Variants in ATP7A observed in about 807,000 individuals in gnomAD.
ATP7A encodes the protein copper-transporting ATPase 1.
In ATP7A, 7 loss-of-function variants were observed where a neutral mutation model predicts 83.5. The ratio of observed to expected loss-of-function variants is 0.08; its 90% CI spans 0.05 to 0.16. The LOEUF is 0.16. ATP7A is among the 10% of genes least tolerant of loss of function. The pLI, the probability that ATP7A is intolerant of heterozygous loss-of-function variation, is 1.00. For synonymous variants in ATP7A, 354 were observed against 395.2 expected (o/e 0.90, Z 1.24); for missense variants, 940 against 1,120.8 (o/e 0.84, Z 2.30).
intron 4 of ATP7A, among the ~76,000 whole-genome samples, chrX:77,998,201 GTC>G (rs1417372081): frequency 8.9e-6 from 1 of 111,890 alleles, no homozygotes; most frequent in Non-Finnish European, 1.9e-5. Context: ...AAACTACTCT[GTC>G]TCTCAGATTG....
chrX:77,940,127 T>C, intron 1 of ATP7A, among the ~76,000 whole-genome samples: 1 of 110,768 alleles, frequency 9.0e-6, no homozygotes, highest in Non-Finnish European at 1.9e-5. Flanking sequence ...GACAAAAAAA[T>C]GCATTAAAAT....
intron 14 of ATP7A, among the ~76,000 whole-genome samples, chrX:78,022,532 T>C (rs1384982829): frequency 1.8e-5 from 2 of 110,372 alleles, no homozygotes; most frequent in African/African-American, 6.6e-5. Flanking sequence ...TTTATTTATT[T>C]ATTGCGACAG....
Position 78,013,034 on chromosome X carries a change from C to A in ATP7A, c.2328C>A (p.Asn776Lys), listed in dbSNP as rs782733187. 8.3e-7 allele frequency: 1 copy of A among 1,210,909 alleles called. No homozygotes were observed. The highest frequency in any genetic ancestry group is 1.8e-5 in the South Asian group (1 of 56,970). ...CAATGTATGAGAGAGCCAAAGTGAA[C>A]CCTATTACTTTCTTTGACACACCCC... ...LVAMYERAKV[N>K]PITFFDTPPM... is the part of the protein sequence containing the mutation. Residue 776 changes from asparagine (N) to lysine (K), a missense_variant, in exon 10 of 23, where the codon AAC becomes AAA. Asn to Lys is a moderately conservative substitution (Grantham distance 94). Around this residue, in one of 3 missense-constraint regions of ATP7A, gnomAD observed 204 missense variants for 185.8 expected, o/e 1.10. Transcript: ENST00000341514.
intron 4 of ATP7A, among the ~76,000 whole-genome samples, chrX:77,998,273 C>T (rs1485145609): frequency 9.0e-6 from 1 of 111,306 alleles, no homozygotes; most frequent in African/African-American, 3.3e-5. Context: ...CTCAGATTTT[C>T]CTGGGAATTG....
rs1557231567 is a variant in ATP7A, at chrX:77,988,291, A to G, written c.170A>G (p.Gln57Arg). ...ACTATTATTTATGACCCTAAACTAC[A>G]GACTCCAAAGACCCTACAGGAAGCT... ...NATIIYDPKL[Q>R]TPKTLQEAID... The change falls in exon 3 of 23, where the codon CAG becomes CGG. Residue 57 changes from glutamine (Q) to arginine (R), a missense_variant. Gln to Arg is a conservative substitution (Grantham distance 43, BLOSUM62 1). Transcript: ENST00000341514. 1 of 1,196,789 alleles carries G rather than the reference A, an allele frequency of 8.4e-7. No individual in the cohort carries two copies. Among genetic ancestry groups the G allele is most frequent in the Non-Finnish European group, 1.1e-6 (1 of 888,804 alleles).
At chrX:77,980,731 C>T (rs1336177997) in intron 2 of ATP7A, among the ~76,000 whole-genome samples, 6 of 110,540 alleles carry the variant, frequency 5.4e-5, no homozygotes, top group African/African-American at 1.3e-4. Context: ...TGCAGTGGTG[C>T]GATCTCGGCT....
Position 78,042,662 on chromosome X carries a change from G to A in ATP7A, c.3879G>A (p.Gly1293=). 2 of 1,211,858 alleles carry A rather than the reference G, an allele frequency of 1.7e-6. No homozygotes were observed. Among genetic ancestry groups the A allele is most frequent in the Non-Finnish European group, 2.2e-6 (2 of 895,579 alleles). The part of the protein sequence containing the change: ...VAKVKQLQEE[G]KRVAMVGDGI... The stretch of plus-strand genomic sequence containing the variant: ...AAGTGAAGCAACTTCAAGAGGAGGG[G>A]AAACGGGTAGCAATGGTGGGAGATG... Residue 1293 remains glycine, a synonymous_variant, in exon 20 of 23, where the codon GGG becomes GGA. Coordinates refer to ENST00000341514, the MANE Select transcript of ATP7A (RefSeq NM_000052.7).
At chrX:77,993,932 A>G (rs992048404) in intron 4 of ATP7A, among the ~76,000 whole-genome samples, 1 of 111,395 alleles carries the variant, frequency 9.0e-6, no homozygotes, top group African/African-American at 3.3e-5. Context: ...GAGAAAAGCC[A>G]TATAAATTTA....
chrX:78,033,181 T>C (rs782223326), intron 16 of ATP7A, among the ~76,000 whole-genome samples: 6 of 112,216 alleles, frequency 5.3e-5, no homozygotes, highest in Non-Finnish European at 1.1e-4. Flanking sequence ...CTCAACTCAC[T>C]GCAACTTCCG....
At chrX:78,026,844 A>C (rs1169407200) in intron 14 of ATP7A, among the ~76,000 whole-genome samples, 2 of 111,833 alleles carry the variant, frequency 1.8e-5, no homozygotes, top group Non-Finnish European at 3.8e-5. Context: ...ACTTTTGGGT[A>C]AACAATGAAG....
intron 19 of ATP7A, among the ~76,000 whole-genome samples, chrX:78,042,103 C>A (rs1354522817): frequency 2.0e-3 from 155 of 75,754 alleles, no homozygotes; most frequent in African/African-American, 8.2e-3. Context: ...GGTGACAGAG[C>A]AAGACTCTGT....
chrX:78,029,701 C>T (rs1261334027), intron 15 of ATP7A, among the ~76,000 whole-genome samples: 2 of 111,765 alleles, frequency 1.8e-5, no homozygotes, highest in Non-Finnish European at 3.8e-5. Context: ...GGACTCCTAT[C>T]CTAGCTCAGA....
intron 1 of ATP7A, among the ~76,000 whole-genome samples, chrX:77,948,952 T>C (rs5959961): frequency 0.48 from 52,145 of 109,650 alleles, 11,407 homozygotes; most frequent in African/African-American, 0.86. Flanking sequence ...AGTACAGTGG[T>C]GTGATCTTGG....
At chrX:78,038,795 T>G (rs1431864756) in intron 17 of ATP7A, 41 bp from the exon 18 acceptor site, 1 of 1,195,437 alleles carries the variant, frequency 8.4e-7, no homozygotes, top group African/African-American at 1.8e-5. Flanking sequence ...TTATAAAGAT[T>G]AATTGAACTT....
intron 5 of ATP7A, among the ~76,000 whole-genome samples, chrX:77,998,913 G>A (rs1349948727): frequency 9.3e-6 from 1 of 107,498 alleles, no homozygotes; most frequent in Non-Finnish European, 1.9e-5. Context: ...TATGAAATTC[G>A]TTAAAAAAAA....
intron 7 of ATP7A, among the ~76,000 whole-genome samples, chrX:78,010,047 T>C (rs1557234235): frequency 8.9e-6 from 1 of 112,700 alleles, no homozygotes; most frequent in Admixed American, 9.4e-5. Flanking sequence ...ATAGAATTGG[T>C]GTTCAAGTGA....
At chrX:77,938,017 C>T (rs1307904499) in intron 1 of ATP7A, among the ~76,000 whole-genome samples, 1 of 110,708 alleles carries the variant, frequency 9.0e-6, no homozygotes, top group African/African-American at 3.3e-5. Context: ...CTAATTACCA[C>T]CCCTCCCAAA....
At chrX:78,011,781 T>C (rs2077828209) in intron 9 of ATP7A, 107 bp downstream of exon 9, 1 of 749,993 alleles carries the variant, frequency 1.3e-6, no homozygotes, top group Non-Finnish European at 2.1e-6. Context: ...AGAAGTCTGA[T>C]CATTTTATGC....
At chrX:78,032,281 T>C (rs1452456784) in intron 16 of ATP7A, among the ~76,000 whole-genome samples, 4 of 111,303 alleles carry the variant, frequency 3.6e-5, no homozygotes, top group Non-Finnish European at 7.5e-5. Context: ...TTGCAGTATA[T>C]ACTCAACATC....
Sources: gnomAD v4.1 joint callset for allele counts (sites outside exome capture counted in the v4.1 genomes callset) on GRCh38, gnomAD v4.1.1 for gene constraint, gnomAD v4.1.1 regional missense constraint, MANE v1.5 for transcripts, NCBI Gene and HGNC (gene_info 2026-07-23, HGNC 2026-07-21) for gene names.